Variants in SGCD observed in about 807,000 individuals in gnomAD.
SGCD encodes delta-sarcoglycan.
A neutral mutation model predicts 36.6 loss-of-function variants in SGCD; 18 were observed. That is an observed-to-expected ratio of 0.49 (90% confidence interval 0.34 to 0.73). SGCD has a LOEUF of 0.73. Ranked by LOEUF, SGCD falls within the 30% of genes least tolerant of loss-of-function variation. The probability of loss-of-function intolerance (pLI) is 0.01; values close to 1 mark genes in which losing one functional copy is unlikely to be tolerated. For synonymous variants in SGCD, 133 were observed against 130.6 expected (o/e 1.02, Z -0.12); for missense variants, 387 against 346.7 (o/e 1.12, Z -0.92).
At chr5:156,672,784 G>C (rs1369622108) in intron 7 of SGCD, among the ~76,000 whole-genome samples, 2 of 152,136 alleles carry the variant, frequency 1.3e-5, no homozygotes, top group Admixed American at 1.3e-4. Context: ...TTAATCAGAA[G>C]TCCTCTGTCC....
intron 3 of SGCD, among the ~76,000 whole-genome samples, chr5:156,466,172 T>C (rs1754713035): frequency 6.6e-6 from 1 of 152,194 alleles, no homozygotes; most frequent in Non-Finnish European, 1.5e-5. Context: ...TCATATATTT[T>C]AGTGAATAGA....
At chr5:155,767,407 A>T in the SGCD span, among the ~76,000 whole-genome samples, 1 of 152,216 alleles carries the variant, frequency 6.6e-6, no homozygotes, top group Non-Finnish European at 1.5e-5. Flanking sequence ...TGTTAAAATG[A>T]AGGACTGTCT....
At chr5:155,990,034 G>C (rs1758401600) in intron 1 of SGCD, among the ~76,000 whole-genome samples, 1 of 152,114 alleles carries the variant, frequency 6.6e-6, no homozygotes, top group Admixed American at 6.6e-5. Context: ...TACCACTTCT[G>C]GGAAACAGCC....
chr5:156,398,103 T>C (rs906489576), intron 3 of SGCD, among the ~76,000 whole-genome samples: 6 of 152,242 alleles, frequency 3.9e-5, no homozygotes, highest in African/African-American at 1.4e-4. Flanking sequence ...GGTTATTCTT[T>C]CTGCTTAGGC....
intron 1 of SGCD, among the ~76,000 whole-genome samples, chr5:156,115,992 G>T (rs146974942): frequency 1.1e-4 from 17 of 152,146 alleles, no homozygotes; most frequent in African/African-American, 4.1e-4. Context: ...TGAAATGTTA[G>T]CAGTCATTGA....
chr5:156,281,927 G>A (rs926856521), intron 3 of SGCD, among the ~76,000 whole-genome samples: 1 of 151,958 alleles, frequency 6.6e-6, no homozygotes, highest in Admixed American at 6.6e-5. Flanking sequence ...GATTTCAGTG[G>A]ATAAAACTTC....
chr5:156,171,596 A>G (rs901307184), intron 3 of SGCD, among the ~76,000 whole-genome samples: 1 of 152,214 alleles, frequency 6.6e-6, no homozygotes, highest in Non-Finnish European at 1.5e-5. Flanking sequence ...TGCAAATGTT[A>G]ATTTCTGTTT....
At chr5:156,663,799 G>C (rs911089057) in intron 7 of SGCD, among the ~76,000 whole-genome samples, 2 of 144,378 alleles carry the variant, frequency 1.4e-5, no homozygotes, top group Non-Finnish European at 3.0e-5. Context: ...CGCTTGTGGT[G>C]AGGGACAATT....
chr5:156,653,616 G>C (rs910944435), intron 7 of SGCD, among the ~76,000 whole-genome samples: 4 of 148,872 alleles, frequency 2.7e-5, no homozygotes, highest in Non-Finnish European at 4.4e-5. Context: ...TTTTATAGGA[G>C]TATCTCTGAC....
intron 3 of SGCD, among the ~76,000 whole-genome samples, chr5:156,494,325 A>G (rs1240098720): frequency 7.2e-6 from 1 of 139,522 alleles, no homozygotes; most frequent in Non-Finnish European, 1.6e-5. Flanking sequence ...CTTTTTTTTA[A>G]TCCCCTCCTA....
intron 4 of SGCD, among the ~76,000 whole-genome samples, chr5:156,531,831 A>G (rs1757903505): frequency 1.3e-5 from 2 of 152,174 alleles, no homozygotes; most frequent in South Asian, 2.1e-4. Flanking sequence ...GACATGGGCT[A>G]GGCACGGTGG....
intron 1 of SGCD, among the ~76,000 whole-genome samples, chr5:155,953,103 C>T (rs1757577207): frequency 6.6e-6 from 1 of 152,126 alleles, no homozygotes; most frequent in South Asian, 2.1e-4. Context: ...TATCAAGCCT[C>T]CTCATGCTTA....
intron 4 of SGCD, among the ~76,000 whole-genome samples, chr5:156,582,462 T>A (rs1238392551): frequency 6.6e-6 from 1 of 152,134 alleles, no homozygotes; most frequent in Non-Finnish European, 1.5e-5. Context: ...TCTGCCTCTT[T>A]ACACACCCAA....
intron 3 of SGCD, among the ~76,000 whole-genome samples, chr5:156,229,820 C>T (rs1189799924): frequency 6.6e-6 from 1 of 152,114 alleles, no homozygotes; most frequent in Non-Finnish European, 1.5e-5. Flanking sequence ...GGTCGTTTAA[C>T]ATAATCTCAG....
intron 6 of SGCD, among the ~76,000 whole-genome samples, chr5:156,644,621 G>A (rs1231287759): frequency 1.3e-5 from 2 of 150,966 alleles, no homozygotes; most frequent in Non-Finnish European, 3.0e-5. Flanking sequence ...CTTCTCATTA[G>A]AAAAAAGAGG....
At chr5:156,105,284 C>T (rs1172349953) in intron 1 of SGCD, among the ~76,000 whole-genome samples, 1 of 152,106 alleles carries the variant, frequency 6.6e-6, no homozygotes, top group Non-Finnish European at 1.5e-5. Flanking sequence ...TTCATTTAAT[C>T]CACCAAAAAG....
Position 156,630,452 on chromosome 5 carries a change from T to C in SGCD, c.503-17012T>C, listed in dbSNP as rs563537695. Among the ~76,000 whole-genome samples, 7 of 152,294 alleles carry C rather than the reference T, an allele frequency of 4.6e-5. No homozygotes were observed. The South Asian group carries it at 1.2e-3, about 27-fold the overall frequency. ...CGTCACAGTCAACAATAAATTAACA[T>C]TTATTGCACTCTTACTGTGTGCCAT... is the stretch of plus-strand genomic sequence containing the variant. On this transcript the variant is annotated intron_variant, in intron 6 of 8. Transcript: ENST00000337851.
At chr5:155,856,674 T>TA in the SGCD span, among the ~76,000 whole-genome samples, 3,466 of 152,132 alleles carry the variant, frequency 0.023, 114 homozygotes, top group African/African-American at 0.078. Flanking sequence ...ACTTGGAATT[T>TA]AAAAAATGGG....
the SGCD span, among the ~76,000 whole-genome samples, chr5:155,735,599 G>C: frequency 6.6e-6 from 1 of 152,210 alleles, no homozygotes; most frequent in Non-Finnish European, 1.5e-5. Flanking sequence ...TGCCTGCTGA[G>C]AGTGATTAAC....
Sources: gnomAD v4.1 joint callset for allele counts (sites outside exome capture counted in the v4.1 genomes callset) on GRCh38, gnomAD v4.1.1 for gene constraint, MANE v1.5 for transcripts, NCBI Gene and HGNC (gene_info 2026-07-23, HGNC 2026-07-21) for gene names.